LANCL3: variants seen among roughly 807,000 people sequenced by gnomAD.
The protein encoded by LANCL3 is lanC-like protein 3.
A neutral mutation model predicts 26.5 loss-of-function variants in LANCL3; 19 were observed. That is an observed-to-expected ratio of 0.72 (90% confidence interval 0.50 to 1.05). The LOEUF (loss-of-function observed/expected upper bound fraction) is 1.05. Among genes scored for constraint, LANCL3 ranks in the 50% least tolerant of loss-of-function variants. The probability of loss-of-function intolerance (pLI) is 0.00; values close to 1 mark genes in which losing one functional copy is unlikely to be tolerated. For missense variants in LANCL3, 318 were observed against 362.7 expected (o/e 0.88, Z 1.00); for synonymous variants, 160 against 166.6 (o/e 0.96, Z 0.30).
chrX:37,676,654 T>G lies in LANCL3; in HGVS notation c.*841T>G, dbSNP rs1926816401. 1 of 111,967 alleles carries G rather than the reference T, an allele frequency of 8.9e-6. No individual in the cohort carries two copies. The allele number at this position is 111,967 out of a possible 1,213,427, so 9.2% of individuals were successfully genotyped here. A position where few individuals can be genotyped will look rare whatever the true frequency, so the allele number is the denominator to read the frequency against. ...TATGTACATAATCTTGATGGAGCTA[T>G]TAGCTGAACTATAAAATATGCTCTT... is the stretch of plus-strand genomic sequence containing the variant. On this transcript the variant is annotated 3_prime_UTR_variant, in exon 5 of 5. Coordinates refer to ENST00000378619, the MANE Select transcript of LANCL3 (RefSeq NM_001170331.2).
intron 1 of LANCL3, among the ~76,000 whole-genome samples, chrX:37,585,167 G>T (rs1383274648): frequency 8.9e-6 from 1 of 111,932 alleles, no homozygotes; most frequent in East Asian, 2.8e-4. Context: ...GAGACAGTTT[G>T]TTATAATTTC....
At chrX:37,673,725 GA>G (rs782181172) in intron 4 of LANCL3, among the ~76,000 whole-genome samples, 65 of 110,524 alleles carry the variant, frequency 5.9e-4, no homozygotes, top group Middle Eastern at 4.6e-3. Flanking sequence ...GAAAAGCATA[GA>G]AAAATATTTA....
rs1602103024 is a variant in LANCL3 at position 37,602,599 on chromosome X, A to C, written c.573+30156A>C. Among the ~76,000 whole-genome samples, 7 of 111,878 alleles carry C rather than the reference A, an allele frequency of 6.3e-5. 2 individuals carry two copies. In the Admixed American group the frequency reaches 6.6e-4, roughly 11 times the overall value. ...AGTATATATTTGTTTTTGATTTTTT[A>C]GTCAATGTTCTGCATGAGCTAAAGT... On this transcript the variant is annotated intron_variant, in intron 1 of 4. Coordinates refer to ENST00000378619, the MANE Select transcript of LANCL3 (RefSeq NM_001170331.2).
At chrX:37,590,724 G>A (rs1924248512) in intron 1 of LANCL3, among the ~76,000 whole-genome samples, 1 of 111,983 alleles carries the variant, frequency 8.9e-6, no homozygotes, top group African/African-American at 3.2e-5. Context: ...TGGGTTCTAA[G>A]TCTTGGCTTT....
At chrX:37,668,097 CAT>C (rs1303994818) in intron 4 of LANCL3, among the ~76,000 whole-genome samples, 1 of 108,733 alleles carries the variant, frequency 9.2e-6, no homozygotes, top group Non-Finnish European at 1.9e-5. Flanking sequence ...AACTATAATA[CAT>C]ATATATGTGT....
chrX:37,629,155 T>C (rs1925404843), intron 1 of LANCL3, among the ~76,000 whole-genome samples: 1 of 109,377 alleles, frequency 9.1e-6, no homozygotes, highest in Non-Finnish European at 1.9e-5. Context: ...TGGTGTGAGA[T>C]GGTATCTCAT....
chrX:37,668,331 ATT>A (rs1191466430), intron 4 of LANCL3: 2 of 256,083 alleles, frequency 7.8e-6, no homozygotes, highest in Admixed American at 1.1e-4. Context: ...ATATATATAT[ATT>A]TATAATTTTG....
intron 1 of LANCL3, among the ~76,000 whole-genome samples, chrX:37,642,614 A>T (rs1925892491): frequency 8.9e-6 from 1 of 112,015 alleles, no homozygotes; most frequent in African/African-American, 3.2e-5. Flanking sequence ...ATTTCCATGT[A>T]TTATGAAACA....
intron 1 of LANCL3, among the ~76,000 whole-genome samples, chrX:37,621,023 C>G (rs1350230301): frequency 9.0e-6 from 1 of 111,676 alleles, no homozygotes; most frequent in Admixed American, 9.5e-5. Context: ...CAGATCTCCA[C>G]AGATCACATC....
At position 37,676,523 on chromosome X, in the gene LANCL3, A is replaced by G. The variant is rs1926812961; in HGVS notation, c.*710A>G. The G allele has an allele frequency of 8.9e-6, 1 of 111,945 alleles. No homozygotes were observed. Among genetic ancestry groups the G allele is most frequent in the African/African-American group, 3.2e-5 (1 of 30,822 alleles). 9.2% of individuals were successfully genotyped at this position (111,945 alleles called of 1,213,427 possible). A position where few individuals can be genotyped will look rare whatever the true frequency, so the allele number is the denominator to read the frequency against. ...AAGCTCAATTAGAATAGCAAAATTT[A>G]TAAGCTAGTAAACTTATACTATAGC... On this transcript the variant is annotated 3_prime_UTR_variant, in exon 5 of 5. Coordinates refer to ENST00000378619, the MANE Select transcript of LANCL3 (RefSeq NM_001170331.2).
At chrX:37,670,079 A>G (rs782390919) in intron 4 of LANCL3, among the ~76,000 whole-genome samples, 29 of 112,452 alleles carry the variant, frequency 2.6e-4, no homozygotes, top group African/African-American at 9.0e-4. Context: ...ATAACACAAA[A>G]TTTCCCCAAA....
chrX:37,644,577 T>C (rs1925942486), intron 1 of LANCL3, among the ~76,000 whole-genome samples: 1 of 111,539 alleles, frequency 9.0e-6, no homozygotes, highest in Admixed American at 9.5e-5. Context: ...TGGCATTTAG[T>C]AGACTTCTGG....
chrX:37,639,283 G>GTA (rs1192583141), intron 1 of LANCL3, among the ~76,000 whole-genome samples: 4 of 101,740 alleles, frequency 3.9e-5, no homozygotes, highest in African/African-American at 1.1e-4. Flanking sequence ...ATGTATATAT[G>GTA]TGTGTGTATA....
intron 1 of LANCL3, among the ~76,000 whole-genome samples, chrX:37,637,277 A>G (rs1556425446): frequency 8.9e-6 from 1 of 112,067 alleles, no homozygotes; most frequent in Non-Finnish European, 1.9e-5. Flanking sequence ...GTGGTGACGG[A>G]CACTATTGCC....
chrX:37,677,679 C>T lies in LANCL3; in HGVS notation c.*1866C>T, dbSNP rs1926849150. On this transcript the variant is annotated 3_prime_UTR_variant, in exon 5 of 5. Coordinates refer to ENST00000378619, the MANE Select transcript of LANCL3 (RefSeq NM_001170331.2). ...CATATAGGCTGAATATAATAACCAT[C>T]CTATATACAGAGCTTTATGGAACAC... 1 of 111,454 alleles carries T rather than the reference C, an allele frequency of 9.0e-6. No homozygotes were observed. The highest frequency in any genetic ancestry group is 1.9e-5 in the Non-Finnish European group (1 of 53,004). The allele number at this position is 111,454 out of a possible 1,213,427, so 9.2% of individuals were successfully genotyped here. A position where few individuals can be genotyped will look rare whatever the true frequency, so the allele number is the denominator to read the frequency against.
chrX:37,633,391 G>A (rs1272361958), intron 1 of LANCL3, among the ~76,000 whole-genome samples: 11 of 110,784 alleles, frequency 9.9e-5, no homozygotes, highest in African/African-American at 2.3e-4. Flanking sequence ...CCTGTAGCTC[G>A]GGGTAGTTTG....
intron 1 of LANCL3, among the ~76,000 whole-genome samples, chrX:37,584,601 T>A (rs1242450204): frequency 8.9e-6 from 1 of 111,831 alleles, no homozygotes; most frequent in Non-Finnish European, 1.9e-5. Context: ...CAAGTTTATT[T>A]GCGTAGAGGT....
chrX:37,669,290 G>A (rs1926623176), intron 4 of LANCL3, among the ~76,000 whole-genome samples: 2 of 111,353 alleles, frequency 1.8e-5, no homozygotes, highest in Admixed American at 1.9e-4. Flanking sequence ...GCAACTCGTG[G>A]GCACAGCTCA....
At chrX:37,617,725 C>T (rs1426944543) in intron 1 of LANCL3, among the ~76,000 whole-genome samples, 1 of 111,190 alleles carries the variant, frequency 9.0e-6, no homozygotes, top group Non-Finnish European at 1.9e-5. Flanking sequence ...GAGTAAGCCA[C>T]CAACAGCCTA....
Sources: allele counts gnomAD v4.1 joint callset (sites outside exome capture counted in the v4.1 genomes callset), GRCh38; gene constraint gnomAD v4.1.1; transcripts MANE v1.5; gene names NCBI Gene and HGNC (gene_info 2026-07-23, HGNC 2026-07-21).